Variants in PRKN observed in about 807,000 individuals in gnomAD.
PRKN encodes parkin RBR E3 ubiquitin protein ligase.
Under a neutral mutation model 59.5 loss-of-function variants are expected in PRKN, and 56 were observed. The observed-to-expected ratio is 0.94, with a 90% CI of 0.76 to 1.18. The LOEUF (loss-of-function observed/expected upper bound fraction) is 1.18. Ranked by LOEUF, PRKN falls within the 50% of genes most tolerant of loss-of-function variation. The pLI, the probability that PRKN is intolerant of heterozygous loss-of-function variation, is 0.00. For synonymous variants in PRKN, 250 were observed against 222.1 expected (o/e 1.13, Z -1.12); for missense variants, 657 against 596.4 (o/e 1.10, Z -1.06).
intron 4 of PRKN, among the ~76,000 whole-genome samples, chr6:162,156,009 G>T (rs528075144): frequency 6.6e-6 from 1 of 152,098 alleles, no homozygotes; most frequent in South Asian, 2.1e-4. Flanking sequence ...ATTCAGGGAA[G>T]GAATAGTGGA....
At chr6:161,412,189 C>T (rs1399799166) in intron 9 of PRKN, among the ~76,000 whole-genome samples, 1 of 149,262 alleles carries the variant, frequency 6.7e-6, no homozygotes, top group African/African-American at 2.5e-5. Context: ...CTCACTCATT[C>T]CTCCACTCAC....
At chr6:161,946,056 T>A (rs1395397390) in intron 6 of PRKN, among the ~76,000 whole-genome samples, 2 of 152,170 alleles carry the variant, frequency 1.3e-5, no homozygotes, top group Admixed American at 1.3e-4. Context: ...ATTTAGTAAA[T>A]GCTTAATAAA....
chr6:161,536,211 G>A (rs1197829323), intron 9 of PRKN, among the ~76,000 whole-genome samples: 3 of 152,076 alleles, frequency 2.0e-5, no homozygotes, highest in African/African-American at 7.2e-5. Context: ...AAATAGAAAG[G>A]AAATGTATCA....
At chr6:161,628,548 G>A (rs1783179075) in intron 7 of PRKN, among the ~76,000 whole-genome samples, 1 of 152,188 alleles carries the variant, frequency 6.6e-6, no homozygotes, top group African/African-American at 2.4e-5. Flanking sequence ...ATTTTGGAGG[G>A]ACACAAACCT....
intron 1 of PRKN, among the ~76,000 whole-genome samples, chr6:162,461,280 T>C (rs922768646): frequency 5.3e-5 from 8 of 150,858 alleles, no homozygotes; most frequent in African/African-American, 1.5e-4. Context: ...GGCGGGAGGA[T>C]CACTTGAGGT....
At chr6:161,760,846 G>A (rs898276152) in intron 7 of PRKN, among the ~76,000 whole-genome samples, 3 of 152,116 alleles carry the variant, frequency 2.0e-5, no homozygotes, top group South Asian at 2.1e-4. Flanking sequence ...ATATTTGTGC[G>A]TTTTCAGCCT....
chr6:162,216,024 C>T (rs972426685), intron 3 of PRKN, among the ~76,000 whole-genome samples: 13 of 151,902 alleles, frequency 8.6e-5, no homozygotes, highest in African/African-American at 1.2e-4. Flanking sequence ...CTCCAGCCTG[C>T]GCTACACAGT....
rs888222354 is a variant in PRKN, at chr6:161,390,025, C to T, written c.1084-3148G>A. Among the ~76,000 whole-genome samples the T allele has an allele frequency of 6.6e-6, 1 of 152,198 alleles. No individual in the cohort carries two copies. The highest frequency in any genetic ancestry group is 1.5e-5 in the Non-Finnish European group (1 of 68,026). ...GCAAGCAAATGCTGCAGGAATATTC[C>T]GGTGATGACTTCACAGGGAGGCACT... On this transcript the variant is annotated intron_variant, in intron 9 of 11. Coordinates refer to ENST00000366898, the MANE Select transcript of PRKN (RefSeq NM_004562.3). This position sits in a 1 kb window ranked among gnomAD's most constrained non-coding sequence, Gnocchi z 7.0.
chr6:162,543,669 T>C (rs1779009250), intron 1 of PRKN, among the ~76,000 whole-genome samples: 1 of 152,132 alleles, frequency 6.6e-6, no homozygotes, highest in Non-Finnish European at 1.5e-5. Flanking sequence ...TGTCACACTT[T>C]AAGTAACTCA....
chr6:161,616,719 T>C (rs557485646), intron 7 of PRKN, among the ~76,000 whole-genome samples: 1 of 152,282 alleles, frequency 6.6e-6, no homozygotes, highest in South Asian at 2.1e-4. Flanking sequence ...GCTTCATCCA[T>C]GTCCCTGCAA....
intron 1 of PRKN, among the ~76,000 whole-genome samples, chr6:162,720,234 C>A (rs1355805586): frequency 6.6e-6 from 1 of 152,122 alleles, no homozygotes; most frequent in African/African-American, 2.4e-5. Flanking sequence ...CCAATTTTCC[C>A]CCTCATTTGA....
chr6:161,932,443 A>C (rs1176697056), intron 6 of PRKN, among the ~76,000 whole-genome samples: 1 of 152,350 alleles, frequency 6.6e-6, no homozygotes, highest in South Asian at 2.1e-4. Flanking sequence ...AGTAATATTA[A>C]ATTAATTGAA....
At chr6:162,377,526 C>T (rs1239203967) in intron 2 of PRKN, among the ~76,000 whole-genome samples, 1 of 152,166 alleles carries the variant, frequency 6.6e-6, no homozygotes, top group Non-Finnish European at 1.5e-5. Flanking sequence ...GAATCTAGTT[C>T]AAACTGTCCA....
Position 162,472,638 on chromosome 6 carries a change from C to T in PRKN, c.8-29165G>A, listed in dbSNP as rs1413303762. ...GAGTAGCTGGGACTACAGGCGCCCG[C>T]CACCACGCCCGGCTAATTTTTTTTT... On this transcript the variant is annotated intron_variant, in intron 1 of 11. Coordinates refer to ENST00000366898, the MANE Select transcript of PRKN (RefSeq NM_004562.3). Among the ~76,000 whole-genome samples, 5 of 126,938 alleles carry T rather than the reference C, an allele frequency of 3.9e-5. 1 individual carries two copies. Among genetic ancestry groups the T allele is most frequent in the African/African-American group, 1.4e-4 (5 of 35,390 alleles). The allele number at this position is 126,938 out of a possible 152,430, so 83.3% of individuals were successfully genotyped here.
rs1784424818 is a variant in PRKN at position 161,348,986 on chromosome 6, G to T, written c.*1113C>A. On this transcript the variant is annotated 3_prime_UTR_variant, in exon 12 of 12. Transcript: ENST00000366898. This position sits in a 1 kb window ranked among gnomAD's most constrained non-coding sequence, Gnocchi z 4.9. ...ACTGTCCTAAGAGAAGGTCTCTCCT[G>T]GGGAACCCCTGGTATGCAGAGCTCC... The T allele has an allele frequency of 4.9e-6, 1 of 204,838 alleles. No individual in the cohort carries two copies. The highest frequency in any genetic ancestry group is 1.0e-5 in the Non-Finnish European group (1 of 100,056). 12.7% of individuals were successfully genotyped at this position (204,838 alleles called of 1,614,324 possible). A position where few individuals can be genotyped will look rare whatever the true frequency, so the allele number is the denominator to read the frequency against.
At chr6:162,078,965 C>G (rs889206003) in intron 4 of PRKN, among the ~76,000 whole-genome samples, 1 of 152,072 alleles carries the variant, frequency 6.6e-6, no homozygotes, top group African/African-American at 2.4e-5. Flanking sequence ...CACAAAATCA[C>G]AAAGTCTTAC....
intron 6 of PRKN, among the ~76,000 whole-genome samples, chr6:161,906,503 G>A (rs111701970): frequency 6.6e-6 from 1 of 151,866 alleles, no homozygotes; most frequent in African/African-American, 2.4e-5. Flanking sequence ...ACTCGACTCT[G>A]GGACTCCATC....
At chr6:162,576,326 GCTGT>G (rs1421477382) in intron 1 of PRKN, among the ~76,000 whole-genome samples, 7 of 152,156 alleles carry the variant, frequency 4.6e-5, no homozygotes, top group African/African-American at 1.7e-4. Context: ...CAAAAGGCAT[GCTGT>G]CTATTAATAC....
At chr6:162,541,452 T>C (rs888523054) in intron 1 of PRKN, among the ~76,000 whole-genome samples, 1 of 152,200 alleles carries the variant, frequency 6.6e-6, no homozygotes, top group African/African-American at 2.4e-5. Context: ...GGCTCTGGAC[T>C]CTACTGCTGC....
Sources: allele counts gnomAD v4.1 joint callset (sites outside exome capture counted in the v4.1 genomes callset), GRCh38; gene constraint gnomAD v4.1.1; non-coding constraint Gnocchi (gnomAD v3.1); transcripts MANE v1.5; gene names NCBI Gene and HGNC (gene_info 2026-07-23, HGNC 2026-07-21).